The following PACC1 variants were observed in gnomAD, a reference collection of about 807,000 sequenced individuals.
PACC1 encodes the protein proton activated chloride channel 1.
Under a neutral mutation model 39.7 loss-of-function variants are expected in PACC1, and 34 were observed. The observed-to-expected ratio is 0.86, with a 90% CI of 0.65 to 1.14. The LOEUF (loss-of-function observed/expected upper bound fraction) is 1.14, where lower values mean the gene tolerates loss of function less well. PACC1 is among the 50% of genes most tolerant of loss of function. The probability of loss-of-function intolerance (pLI) is 0.00; values close to 1 mark genes in which losing one functional copy is unlikely to be tolerated. For synonymous variants in PACC1, 127 were observed against 160.6 expected (o/e 0.79, Z 1.58); for missense variants, 379 against 436.4 (o/e 0.87, Z 1.17).
At chr1:212,375,375 G>A in intron 6 of PACC1, 75 bp from the exon 7 acceptor site, 1 of 1,064,738 alleles carries the variant, frequency 9.4e-7, no homozygotes, top group Non-Finnish European at 1.5e-6. Flanking sequence ...CGAAAGGAGA[G>A]AGAGTAGGCA....
intron 1 of PACC1, among the ~76,000 whole-genome samples, chr1:212,411,750 C>G (rs17018997): frequency 4.6e-5 from 7 of 151,970 alleles, no homozygotes; most frequent in Non-Finnish European, 8.8e-5. Flanking sequence ...ACATCTCTTA[C>G]GAATCTATTC....
At chr1:212,378,952 CTT>C (rs141994711) in intron 5 of PACC1, among the ~76,000 whole-genome samples, 22 of 143,262 alleles carry the variant, frequency 1.5e-4, no homozygotes, top group Non-Finnish European at 1.5e-4. Flanking sequence ...TTATGATTTC[CTT>C]TTTTTTTTTT....
intron 4 of PACC1, among the ~76,000 whole-genome samples, chr1:212,381,458 T>C (rs1251871525): frequency 1.3e-5 from 2 of 152,178 alleles, no homozygotes; most frequent in African/African-American, 4.8e-5. Flanking sequence ...TGTCCCTGGT[T>C]TCTATTATCC....
rs1661114013 is a variant in PACC1, at chr1:212,386,771, CTTGG to C, written c.343+116_343+119del. On this transcript the variant is annotated intron_variant, in intron 3 of 7. Coordinates refer to ENST00000261455, the MANE Select transcript of PACC1 (RefSeq NM_018252.3). The surrounding 1 kb of genome is among the most constrained non-coding windows in gnomAD (Gnocchi z 5.0). Reference sequence around the variant, plus strand: ...GCATAGACTCTATACCTAGACTATGCTTGGTTGGACTCCTCTGCCCTGCCCGTAG... The same window carrying C: ...GCATAGACTCTATACCTAGACTATGCTTGGACTCCTCTGCCCTGCCCGTAG... 2 of 927,188 alleles carry C rather than the reference CTTGG, an allele frequency of 2.2e-6. No individual in the cohort carries two copies. Among genetic ancestry groups the C allele is most frequent in the Admixed American group, 3.7e-5 (2 of 54,408 alleles). The allele number at this position is 927,188 out of a possible 1,614,324, so 57.4% of individuals were successfully genotyped here. A position where few individuals can be genotyped will look rare whatever the true frequency, so the allele number is the denominator to read the frequency against.
intron 2 of PACC1, among the ~76,000 whole-genome samples, chr1:212,406,991 G>A (rs1661942489): frequency 6.6e-6 from 1 of 152,196 alleles, no homozygotes; most frequent in Non-Finnish European, 1.5e-5. Context: ...AGTGCAAGGT[G>A]TGGTAGGCAG....
At chr1:212,382,759 C>A (rs1245551298) in intron 4 of PACC1, among the ~76,000 whole-genome samples, 3 of 152,222 alleles carry the variant, frequency 2.0e-5, no homozygotes, top group Non-Finnish European at 4.4e-5. Context: ...GTGAGTGGCA[C>A]AAGCTGTGCA....
intron 2 of PACC1, 60 bp downstream of exon 2, chr1:212,410,365 G>T: frequency 6.6e-7 from 1 of 1,506,390 alleles, no homozygotes. Flanking sequence ...AGTTGGCAAG[G>T]CGCCTAGACT....
rs370916952 is a variant in PACC1 at position 212,403,121 on chromosome 1, G to C, written c.133+7304C>G. ...AAGTGCTTATTCTATTAGCATGTCT[G>C]ATGTCATTTCTCCCTTTGAACAGAA... On this transcript the variant is annotated intron_variant, in intron 2 of 7. Coordinates refer to ENST00000261455, the MANE Select transcript of PACC1 (RefSeq NM_018252.3). Among the ~76,000 whole-genome samples, 24 of 152,310 alleles carry C rather than the reference G, an allele frequency of 1.6e-4. 1 individual carries two copies. The East Asian group carries it at 3.9e-3, about 24-fold the overall frequency.
At chr1:212,403,261 C>A (rs762493555) in intron 2 of PACC1, among the ~76,000 whole-genome samples, 3 of 152,202 alleles carry the variant, frequency 2.0e-5, no homozygotes, top group Non-Finnish European at 2.9e-5. Flanking sequence ...CAACCCTGCA[C>A]GTTTGGGTGC....
chr1:212,383,544 C>A (rs1483814328), intron 4 of PACC1, among the ~76,000 whole-genome samples: 3 of 152,186 alleles, frequency 2.0e-5, no homozygotes, highest in Admixed American at 2.0e-4. Flanking sequence ...CTTCCCTATT[C>A]TAGAGTCCAT....
At chr1:212,397,704 G>C (rs762107722) in intron 2 of PACC1, among the ~76,000 whole-genome samples, 3 of 152,186 alleles carry the variant, frequency 2.0e-5, no homozygotes, top group Non-Finnish European at 4.4e-5. Flanking sequence ...TAAAACATGA[G>C]GTTTCCTTCA....
intron 4 of PACC1, among the ~76,000 whole-genome samples, chr1:212,382,152 T>C (rs901313247): frequency 2.4e-4 from 36 of 152,000 alleles, no homozygotes; most frequent in African/African-American, 8.0e-4. Context: ...GATTCTCCTG[T>C]CTTGCCCTCC....
chr1:212,379,218 C>G (rs1297836708), intron 5 of PACC1, among the ~76,000 whole-genome samples: 1 of 152,182 alleles, frequency 6.6e-6, no homozygotes, highest in Non-Finnish European at 1.5e-5. Flanking sequence ...GGTAGGATTA[C>G]AGGTGTGAGC....
intron 1 of PACC1, among the ~76,000 whole-genome samples, chr1:212,413,410 T>C (rs1287450037): frequency 1.4e-5 from 2 of 145,080 alleles, no homozygotes; most frequent in East Asian, 4.0e-4. Flanking sequence ...GCAGTAACTA[T>C]TGACTAAGAC....
intron 2 of PACC1, among the ~76,000 whole-genome samples, chr1:212,400,481 T>C (rs1179660560): frequency 6.6e-6 from 1 of 152,222 alleles, no homozygotes; most frequent in Non-Finnish European, 1.5e-5. Flanking sequence ...AAGCCAAGTT[T>C]AGCTTCTTTA....
chr1:212,408,131 CAG>C (rs1358451971), intron 2 of PACC1, among the ~76,000 whole-genome samples: 1 of 151,052 alleles, frequency 6.6e-6, no homozygotes, highest in African/African-American at 2.4e-5. Context: ...TAGGGTTGGG[CAG>C]AGTTTGACTC....
intron 2 of PACC1, among the ~76,000 whole-genome samples, chr1:212,406,144 A>G (rs1186935374): frequency 1.4e-5 from 2 of 145,438 alleles, no homozygotes; most frequent in African/African-American, 5.1e-5. Flanking sequence ...CTAAAGCCCT[A>G]CACAGGCCTA....
At chr1:212,412,702 A>C (rs1182013298) in intron 1 of PACC1, among the ~76,000 whole-genome samples, 1 of 152,194 alleles carries the variant, frequency 6.6e-6, no homozygotes, top group African/African-American at 2.4e-5. Context: ...CCTATATTTT[A>C]ATAAACATTT....
chr1:212,406,105 CAAAA>C (rs58332482), intron 2 of PACC1, among the ~76,000 whole-genome samples: 8 of 55,656 alleles, frequency 1.4e-4, no homozygotes, highest in African/African-American at 4.0e-4. Flanking sequence ...TCCCACCCCA[CAAAA>C]AAAAAAAAAA....
Sources: allele counts gnomAD v4.1 joint callset (sites outside exome capture counted in the v4.1 genomes callset), GRCh38; gene constraint gnomAD v4.1.1; non-coding constraint Gnocchi (gnomAD v3.1); transcripts MANE v1.5; gene names NCBI Gene and HGNC (gene_info 2026-07-23, HGNC 2026-07-21).